C6orf118: variants seen among roughly 807,000 people sequenced by gnomAD.
C6orf118 encodes the protein uncharacterized protein C6orf118.
In C6orf118, 50 loss-of-function variants were observed where a neutral mutation model predicts 50.2. That is an observed-to-expected ratio of 1.00 (90% CI 0.79 to 1.26). C6orf118 has a LOEUF of 1.26. C6orf118 is among the 50% of genes most tolerant of loss of function. The pLI, the probability that C6orf118 is intolerant of heterozygous loss-of-function variation, is 0.00. For synonymous variants in C6orf118, 239 were observed against 230.9 expected (o/e 1.03, Z -0.32); for missense variants, 641 against 578.7 (o/e 1.11, Z -1.10).
chr6:165,297,904 G>A lies in C6orf118; in HGVS notation c.1061+73C>T, dbSNP rs1028170510. ...AACGCAGAAATCAATGTAACCGTAG[G>A]CTTGTCACAGCGGTTTCAGACCTTG... On this transcript the variant is annotated intron_variant, in intron 5 of 8. Coordinates refer to ENST00000230301, the MANE Select transcript of C6orf118 (RefSeq NM_144980.4). The A allele has an allele frequency of 3.1e-6, 5 of 1,594,584 alleles. No individual in the cohort carries two copies. In the African/African-American group the frequency reaches 4.0e-5, roughly 13 times the overall value.
At position 165,290,068 on chromosome 6, in the gene C6orf118, C is replaced by A; in HGVS notation, c.1121-1G>T. 6.4e-7 allele frequency: 1 copy of A among 1,572,502 alleles called. No homozygotes were observed. The highest frequency in any genetic ancestry group is 1.2e-5 in the South Asian group (1 of 84,976). ...TCAATTATATGTTTCTCAGATGATT[C>A]TGGAAATATTTTTTAAAACAAAGTA... On this transcript the variant is annotated splice_acceptor_variant, in intron 6 of 8. Transcript: ENST00000230301. LOFTEE classifies it high-confidence loss of function.
At chr6:165,281,063 TAA>T (rs1435087286) in intron 8 of C6orf118, among the ~76,000 whole-genome samples, 1 of 152,218 alleles carries the variant, frequency 6.6e-6, no homozygotes, top group Non-Finnish European at 1.5e-5. Flanking sequence ...TTTATACCAA[TAA>T]GTTTAGTTAT....
At position 165,302,330 on chromosome 6, in the gene C6orf118, C is replaced by T. The variant is rs774817322; in HGVS notation, c.26-34G>A. 208 of 1,592,818 alleles carry T rather than the reference C, an allele frequency of 1.3e-4. 2 individuals carry two copies. The South Asian group carries it at 2.1e-3, about 16-fold the overall frequency. On this transcript the variant is annotated intron_variant, in intron 1 of 8. Transcript: ENST00000230301. Reference sequence around the variant, plus strand: ...AAAAGAAAAGGAGGCTCTTAGGGATCGCTCTTAGTTCCACAGTAAGTCAGC... The same window carrying T: ...AAAAGAAAAGGAGGCTCTTAGGGATTGCTCTTAGTTCCACAGTAAGTCAGC...
At chr6:165,296,589 G>A (rs970125392) in intron 5 of C6orf118, among the ~76,000 whole-genome samples, 10 of 152,016 alleles carry the variant, frequency 6.6e-5, no homozygotes, top group African/African-American at 9.7e-5. Context: ...TAAACCCACC[G>A]ATCAGAATTC....
chr6:165,287,709 G>C (rs916313415), intron 7 of C6orf118, among the ~76,000 whole-genome samples: 2 of 152,168 alleles, frequency 1.3e-5, no homozygotes, highest in African/African-American at 4.8e-5. Context: ...AATAAATAGT[G>C]CTGGGATAAC....
chr6:165,299,098 C>A (rs1297309443), intron 4 of C6orf118, among the ~76,000 whole-genome samples: 3 of 152,222 alleles, frequency 2.0e-5, no homozygotes, highest in Non-Finnish European at 1.5e-5. Flanking sequence ...GCTTACAGCA[C>A]ACCAGCCATC....
intron 6 of C6orf118, among the ~76,000 whole-genome samples, chr6:165,290,517 T>C (rs973513493): frequency 6.6e-6 from 1 of 152,028 alleles, no homozygotes; most frequent in African/African-American, 2.4e-5. Flanking sequence ...AAAGAGAAGT[T>C]AGACAAGCAG....
At chr6:165,299,054 C>T (rs535355066) in intron 4 of C6orf118, among the ~76,000 whole-genome samples, 2 of 152,326 alleles carry the variant, frequency 1.3e-5, no homozygotes, top group South Asian at 4.1e-4. Flanking sequence ...AACGCTGTCA[C>T]CCGTTAAACA....
intron 1 of C6orf118, 126 bp downstream of exon 1, chr6:165,309,436 G>A (rs928618987): frequency 8.7e-7 from 1 of 1,145,088 alleles, no homozygotes; most frequent in East Asian, 2.4e-5. Context: ...TAGTGACCCT[G>A]GAGCCGGCGT....
At chr6:165,296,000 T>C (rs1166384892) in intron 5 of C6orf118, among the ~76,000 whole-genome samples, 4 of 133,918 alleles carry the variant, frequency 3.0e-5, no homozygotes, top group Non-Finnish European at 4.7e-5. Context: ...GCTTTCTCAC[T>C]TATGTGGATT....
intron 1 of C6orf118, 135 bp downstream of exon 1, chr6:165,309,427 A>G (rs1780862550): frequency 9.8e-7 from 1 of 1,019,000 alleles, no homozygotes; most frequent in Non-Finnish European, 1.5e-6. Flanking sequence ...CCTCAGCCCT[A>G]GTGACCCTGG....
chr6:165,281,553 T>G, intron 8 of C6orf118, 87 bp downstream of exon 8: 1 of 1,437,106 alleles, frequency 7.0e-7, no homozygotes, highest in Non-Finnish European at 9.1e-7. Context: ...AGAATTACGA[T>G]CAGTTGGTCA....
chr6:165,296,227 T>C lies in C6orf118; in HGVS notation c.1061+1750A>G, dbSNP rs9457067. Among the ~76,000 whole-genome samples, 987 of 151,030 alleles carry C rather than the reference T, an allele frequency of 6.5e-3. 12 individuals carry two copies. Among genetic ancestry groups the C allele is most frequent in the African/African-American group, 0.023 (936 of 40,934 alleles). Reference sequence around the variant, plus strand: ...TGCAATGAATTCAGTTTTTTGTTGTTGTTGTTGTTGTTTTCGTTTTTTGTT... The same window carrying C: ...TGCAATGAATTCAGTTTTTTGTTGTCGTTGTTGTTGTTTTCGTTTTTTGTT... On this transcript the variant is annotated intron_variant, in intron 5 of 8. Coordinates refer to ENST00000230301, the MANE Select transcript of C6orf118 (RefSeq NM_144980.4).
intron 1 of C6orf118, among the ~76,000 whole-genome samples, chr6:165,305,851 T>C (rs1780700665): frequency 1.1e-5 from 1 of 93,116 alleles, no homozygotes; most frequent in Non-Finnish European, 1.9e-5. Flanking sequence ...TGTGGAGAAA[T>C]AGGAACACTT....
chr6:165,301,484 C>T, intron 2 of C6orf118, 85 bp downstream of exon 2: 1 of 1,510,972 alleles, frequency 6.6e-7, no homozygotes, highest in Non-Finnish European at 8.8e-7. Context: ...GAGGTTTGCC[C>T]CAGAGCTGTG....
chr6:165,297,277 C>T (rs141980480), intron 5 of C6orf118, among the ~76,000 whole-genome samples: 12 of 151,842 alleles, frequency 7.9e-5, no homozygotes, highest in African/African-American at 1.7e-4. Flanking sequence ...AAAAATTAGC[C>T]GGGCGTGGTG....
rs75628737 is a variant in C6orf118, at chr6:165,299,525, C to T, written c.877-23G>A. ...ATCCTGTACAGAAACAAACAAAAGTCCACTGGCCATGTATGAGGAGGCCAC... is the reference window on the plus strand; with the variant it reads ...ATCCTGTACAGAAACAAACAAAAGTTCACTGGCCATGTATGAGGAGGCCAC... On this transcript the variant is annotated intron_variant, in intron 3 of 8. Coordinates refer to ENST00000230301, the MANE Select transcript of C6orf118 (RefSeq NM_144980.4). 3.7e-3 allele frequency: 5,953 copies of T among 1,610,412 alleles called. 16 individuals are homozygous for T. The highest frequency in any genetic ancestry group is 4.5e-3 in the Non-Finnish European group (5,263 of 1,176,930).
chr6:165,281,723 T>C, intron 7 of C6orf118, 30 bp from the exon 8 acceptor site: 13 of 1,327,902 alleles, frequency 9.8e-6, no homozygotes, highest in South Asian at 1.5e-5. Context: ...AAACACAATA[T>C]ACTTGGTTAA....
Position 165,280,075 on chromosome 6 carries a change from G to A in C6orf118, c.1392C>T (p.Ile464=). The A allele has an allele frequency of 6.2e-7, 1 of 1,607,668 alleles. No individual in the cohort carries two copies. Among genetic ancestry groups the A allele is most frequent in the Non-Finnish European group, 8.5e-7 (1 of 1,178,260 alleles). ...TTGAGCGTTATCTTCTGTTTCCTCTGATTTTACAAATTCCTTGATAAATTT... is the reference window on the plus strand; with the variant it reads ...TTGAGCGTTATCTTCTGTTTCCTCTAATTTTACAAATTCCTTGATAAATTT... ...PLEIYQGICK[I]RGNRR Residue 464 remains isoleucine (I), a synonymous_variant, in exon 9 of 9, where the codon ATC becomes ATT. Transcript: ENST00000230301.
Sources: allele counts gnomAD v4.1 joint callset (sites outside exome capture counted in the v4.1 genomes callset), GRCh38; gene constraint gnomAD v4.1.1; transcripts MANE v1.5; gene names NCBI Gene and HGNC (gene_info 2026-07-23, HGNC 2026-07-21).